The following ADAMDEC1 variants were observed in gnomAD, a reference collection of about 807,000 sequenced individuals.
The protein encoded by ADAMDEC1 is ADAM like decysin 1.
ADAMDEC1 carries 62 observed loss-of-function variants against 60.4 expected under a neutral mutation model. The ratio of observed to expected loss-of-function variants is 1.03; its 90% confidence interval spans 0.84 to 1.27. The LOEUF is 1.27. ADAMDEC1 is among the 50% of genes most tolerant of loss of function. ADAMDEC1 has a pLI of 0.00. For missense variants in ADAMDEC1, 595 were observed against 565.0 expected (o/e 1.05, Z -0.54); for synonymous variants, 210 against 195.1 (o/e 1.08, Z -0.64).
chr8:24,395,785 T>C lies in ADAMDEC1; in HGVS notation c.429T>C (p.Cys143=). ...ATTCTGTTGCCAGCATCAGTACTTG[T>C]GACGGGTTGAGGTAAGAACTACCAT... ...EKNSVASIST[C]DGLRGYFTHH... Residue 143 remains cysteine (C), a synonymous_variant, in exon 5 of 14, where the codon TGT becomes TGC. Transcript: ENST00000256412. The C allele has an allele frequency of 6.2e-7, 1 of 1,613,104 alleles. No homozygotes were observed. Among genetic ancestry groups the C allele is most frequent in the Non-Finnish European group, 8.5e-7 (1 of 1,179,320 alleles).
chr8:24,392,432 T>C (rs758514895), intron 2 of ADAMDEC1, 52 bp downstream of exon 2: 2 of 1,361,348 alleles, frequency 1.5e-6, no homozygotes. Flanking sequence ...AAAGAGACAA[T>C]AAAAAGCCTT....
chr8:24,397,151 T>C, intron 5 of ADAMDEC1, 119 bp from the exon 6 acceptor site: 10 of 873,752 alleles, frequency 1.1e-5, no homozygotes, highest in South Asian at 1.9e-5. Context: ...CTGAAAGGTC[T>C]ATGAATGACA....
chr8:24,386,894 T>A lies in ADAMDEC1; in HGVS notation c.88+2302T>A, dbSNP rs183750234. Among the ~76,000 whole-genome samples the A allele has an allele frequency of 3.0e-3, 459 of 152,314 alleles. 2 individuals are homozygous for A. The highest frequency in any genetic ancestry group is 5.0e-3 in the Non-Finnish European group (341 of 68,018). On this transcript the variant is annotated intron_variant, in intron 1 of 13. Coordinates refer to ENST00000256412, the MANE Select transcript of ADAMDEC1 (RefSeq NM_014479.3). ...GCTAGCTAGAGCTGCCTGGCCCTAG[T>A]GGCCAGAGAGCAGCTGTTATGTTTT...
intron 4 of ADAMDEC1, 36 bp downstream of exon 4, chr8:24,394,183 T>G: frequency 6.6e-7 from 1 of 1,511,984 alleles, no homozygotes; most frequent in Non-Finnish European, 9.2e-7. Context: ...TCTTTTGAGT[T>G]TTAGATGTTA....
chr8:24,386,840 C>T (rs893505113), intron 1 of ADAMDEC1, among the ~76,000 whole-genome samples: 1 of 152,198 alleles, frequency 6.6e-6, no homozygotes, highest in South Asian at 2.1e-4. Flanking sequence ...GAAGTGAGTA[C>T]TCAGACACAG....
chr8:24,404,041 A>C lies in ADAMDEC1; in HGVS notation c.1359A>C (p.Lys453Asn), dbSNP rs1278499103. The change falls in exon 13 of 14, where the codon AAA becomes AAC. Residue 453 changes from lysine to asparagine, a missense_variant. Transcript: ENST00000256412. ...TCTGCTGTGAAGCCCTAACGTGTAA[A>C]CTGAAGCCTGGAACTGATTGCGGAG... ...TNLCCEALTC[K>N]LKPGTDCGGD... 6.2e-7 allele frequency: 1 copy of C among 1,613,636 alleles called. No homozygotes were observed. Among genetic ancestry groups the C allele is most frequent in the Non-Finnish European group, 8.5e-7 (1 of 1,179,808 alleles).
intron 12 of ADAMDEC1, among the ~76,000 whole-genome samples, chr8:24,403,213 G>C (rs78465447): frequency 0.014 from 2,174 of 152,146 alleles, 65 homozygotes; most frequent in African/African-American, 0.05. Context: ...AAACCAGAGA[G>C]TTCAGGCTTA....
chr8:24,398,026 C>T (rs551980183), intron 7 of ADAMDEC1, among the ~76,000 whole-genome samples: 253 of 150,784 alleles, frequency 1.7e-3, no homozygotes, highest in African/African-American at 5.3e-3. Context: ...TAAAATATTG[C>T]AATACTTTAT....
intron 13 of ADAMDEC1, 102 bp from the exon 14 acceptor site, chr8:24,405,190 T>C (rs908492376): frequency 3.1e-5 from 37 of 1,188,768 alleles, no homozygotes; most frequent in Admixed American, 8.3e-5. Flanking sequence ...TGAATTGTTA[T>C]TCACATAATT....
At chr8:24,393,879 G>A (rs6981924) in intron 3 of ADAMDEC1, among the ~76,000 whole-genome samples, 190 bp from the exon 4 acceptor site, 3,581 of 152,234 alleles carry the variant, frequency 0.024, 136 homozygotes, top group African/African-American at 0.083. Flanking sequence ...TTCCTCCCTC[G>A]GATTTAATAG....
At chr8:24,398,355 T>C (rs540816311) in intron 7 of ADAMDEC1, 125 bp from the exon 8 acceptor site, 1 of 600,760 alleles carries the variant, frequency 1.7e-6, no homozygotes, top group East Asian at 3.2e-5. Context: ...TATTTAATTA[T>C]GGAATGAATA....
chr8:24,384,597 G>C lies in ADAMDEC1; in HGVS notation c.88+5G>C. On this transcript the variant is annotated splice_donor_5th_base_variant and intron_variant, in intron 1 of 13. Coordinates refer to ENST00000256412, the MANE Select transcript of ADAMDEC1 (RefSeq NM_014479.3). Reference sequence around the variant, plus strand: ...GGCTCATTGTTCAAACTCAAGGTACGTACCATCACACCAGCATTTTACATA... The same window carrying C: ...GGCTCATTGTTCAAACTCAAGGTACCTACCATCACACCAGCATTTTACATA... 1.2e-6 allele frequency: 2 copies of C among 1,604,258 alleles called. No individual in the cohort carries two copies. Among genetic ancestry groups the C allele is most frequent in the African/African-American group, 1.3e-5 (1 of 74,462 alleles).
In ADAMDEC1 at chr8:24,394,126, T is replaced by C; in HGVS notation, c.342T>C (p.Ile114=). The change falls in exon 4 of 14, where the codon ATT becomes ATC. Residue 114 remains isoleucine, a synonymous_variant. Coordinates refer to ENST00000256412, the MANE Select transcript of ADAMDEC1 (RefSeq NM_014479.3). ...ETLYSPRGEE[I]TTKPENMEHC... Reference sequence around the variant, plus strand: ...TGTACTCACCCAGAGGAGAGGAAATTACCACGAAACCTGAGAACATGGTAG... The same window carrying C: ...TGTACTCACCCAGAGGAGAGGAAATCACCACGAAACCTGAGAACATGGTAG... The C allele has an allele frequency of 2.5e-6, 4 of 1,612,972 alleles. No individual in the cohort carries two copies. Among genetic ancestry groups the C allele is most frequent in the Non-Finnish European group, 3.4e-6 (4 of 1,179,086 alleles).
chr8:24,384,893 G>GA (rs985142489), intron 1 of ADAMDEC1, among the ~76,000 whole-genome samples: 37 of 151,308 alleles, frequency 2.4e-4, no homozygotes, highest in Admixed American at 2.2e-3. Flanking sequence ...CAAAATAGAG[G>GA]AAAAAAAAGC....
At chr8:24,400,341 A>C (rs1438507188) in intron 11 of ADAMDEC1, 41 bp downstream of exon 11, 1 of 1,560,310 alleles carries the variant, frequency 6.4e-7, no homozygotes, top group Non-Finnish European at 8.6e-7. Flanking sequence ...ATATTTTCCA[A>C]ATCTTTTTTT....
chr8:24,390,227 C>T (rs1260870245), intron 1 of ADAMDEC1: 4 of 1,111,558 alleles, frequency 3.6e-6, no homozygotes, highest in Non-Finnish European at 4.8e-6. Flanking sequence ...AGGTAAGTTG[C>T]TTACTGTCTA....
At chr8:24,393,108 CATA>C (rs1817493326) in intron 2 of ADAMDEC1, among the ~76,000 whole-genome samples, 151 bp from the exon 3 acceptor site, 1 of 151,878 alleles carries the variant, frequency 6.6e-6, no homozygotes, top group African/African-American at 2.4e-5. Flanking sequence ...CATGTTAGTG[CATA>C]ATTTGTTTTG....
At chr8:24,389,365 C>T (rs6998604) in intron 1 of ADAMDEC1, among the ~76,000 whole-genome samples, 3,553 of 152,236 alleles carry the variant, frequency 0.023, 137 homozygotes, top group African/African-American at 0.082. Context: ...CAATCCTTCA[C>T]CAATTCTATT....
intron 5 of ADAMDEC1, among the ~76,000 whole-genome samples, chr8:24,395,997 A>C (rs1333883924): frequency 1.3e-5 from 2 of 152,182 alleles, no homozygotes; most frequent in Non-Finnish European, 2.9e-5. Flanking sequence ...CAGGCCTAGC[A>C]ATGTAAAACA....
Sources: allele counts gnomAD v4.1 joint callset (sites outside exome capture counted in the v4.1 genomes callset), GRCh38; gene constraint gnomAD v4.1.1; transcripts MANE v1.5; gene names NCBI Gene and HGNC (gene_info 2026-07-23, HGNC 2026-07-21).